TMEM178B: variants seen among roughly 807,000 people sequenced by gnomAD.
TMEM178B encodes transmembrane protein 178B.
A neutral mutation model predicts 31.0 loss-of-function variants in TMEM178B; 5 were observed. That is an observed-to-expected ratio of 0.16 (90% confidence interval 0.08 to 0.34). The LOEUF is 0.34. Among genes scored for constraint, TMEM178B ranks in the 10% least tolerant of loss-of-function variants. The pLI, the probability that TMEM178B is intolerant of heterozygous loss-of-function variation, is 1.00. For missense variants in TMEM178B, 275 were observed against 400.3 expected (o/e 0.69, Z 2.67); for synonymous variants, 164 against 164.0 (o/e 1.00, Z 0.00).
intron 2 of TMEM178B, among the ~76,000 whole-genome samples, chr7:141,301,634 C>T (rs1798727960): frequency 6.6e-6 from 1 of 152,092 alleles, no homozygotes; most frequent in Admixed American, 6.6e-5. Flanking sequence ...TTAATTATTC[C>T]AAGAGCAGTG....
intron 2 of TMEM178B, among the ~76,000 whole-genome samples, chr7:141,292,307 T>G (rs1798559546): frequency 1.3e-5 from 2 of 152,258 alleles, no homozygotes; most frequent in Admixed American, 1.3e-4. Context: ...CTTTGACATT[T>G]TCCCCTCTTT....
chr7:141,203,718 G>A (rs905008197), intron 1 of TMEM178B, among the ~76,000 whole-genome samples: 1 of 152,234 alleles, frequency 6.6e-6, no homozygotes, highest in African/African-American at 2.4e-5. Context: ...ATGAAGGCCT[G>A]GAAGCCTCTT....
rs1397007343 is a variant in TMEM178B, at chr7:141,129,180, G to T, written c.382+54488G>T. 4.6e-5 allele frequency among the ~76,000 whole-genome samples: 7 copies of T among 152,310 alleles called. No homozygotes were observed. In the East Asian group the frequency reaches 1.3e-3, roughly 29 times the overall value. Reference sequence around the variant, plus strand: ...TTCATTCGTGTGTCCTGGGGAGCTAGCATGGTCCTGGCAGCTGAGAGATGC... The same window carrying T: ...TTCATTCGTGTGTCCTGGGGAGCTATCATGGTCCTGGCAGCTGAGAGATGC... On this transcript the variant is annotated intron_variant, in intron 1 of 3. Transcript: ENST00000565468.
chr7:141,180,631 T>A (rs937254927), intron 1 of TMEM178B, among the ~76,000 whole-genome samples: 5 of 152,230 alleles, frequency 3.3e-5, no homozygotes, highest in Non-Finnish European at 5.9e-5. Flanking sequence ...ACTTGTAGAC[T>A]TATTGTATCA....
intron 2 of TMEM178B, among the ~76,000 whole-genome samples, chr7:141,406,366 G>A (rs1338778915): frequency 6.6e-6 from 1 of 152,066 alleles, no homozygotes. Flanking sequence ...TCTTGACCCT[G>A]TACTTAACCA....
At chr7:141,227,650 G>A (rs932111846) in intron 2 of TMEM178B, among the ~76,000 whole-genome samples, 4 of 152,130 alleles carry the variant, frequency 2.6e-5, no homozygotes, top group Non-Finnish European at 5.9e-5. Context: ...GGCGGAGTCC[G>A]GACTGTGAGG....
chr7:141,412,655 G>T (rs1310764883), intron 2 of TMEM178B, among the ~76,000 whole-genome samples: 1 of 152,240 alleles, frequency 6.6e-6, no homozygotes, highest in Non-Finnish European at 1.5e-5. Context: ...GGAAGGAAAA[G>T]AAAATGGCTT....
At chr7:141,215,777 C>CCTTCCTTCCTTTCTTTCTTT in intron 2 of TMEM178B, among the ~76,000 whole-genome samples, 1 of 112,130 alleles carries the variant, frequency 8.9e-6, no homozygotes, top group East Asian at 3.0e-4. Flanking sequence ...TATATACTTT[C>CCTTCCTTCCTTTCTTTCTTT]CTTTCTTTCT....
chr7:141,149,753 C>T (rs1250180611), intron 1 of TMEM178B, among the ~76,000 whole-genome samples: 2 of 152,220 alleles, frequency 1.3e-5, no homozygotes, highest in Non-Finnish European at 2.9e-5. Context: ...ACCAAGGCCA[C>T]CACCAGAAGC....
intron 2 of TMEM178B, among the ~76,000 whole-genome samples, chr7:141,392,175 CA>C (rs1170670467): frequency 6.6e-6 from 1 of 151,862 alleles, no homozygotes; most frequent in Non-Finnish European, 1.5e-5. Flanking sequence ...AGATTCAAAA[CA>C]AAACAAGTCT....
chr7:141,267,581 C>T (rs17162021), intron 2 of TMEM178B, among the ~76,000 whole-genome samples: 7,188 of 152,294 alleles, frequency 0.047, 288 homozygotes, highest in East Asian at 0.13. Context: ...CAGTTATGGA[C>T]TGACATCAAG....
At chr7:141,444,873 A>G (rs1801724668) in intron 3 of TMEM178B, among the ~76,000 whole-genome samples, 2 of 152,052 alleles carry the variant, frequency 1.3e-5, no homozygotes, top group South Asian at 4.2e-4. Context: ...TTCTTCCCAC[A>G]CTAGCACAAC....
In TMEM178B at chr7:141,458,812, A is replaced by C. The variant is rs375756650; in HGVS notation, c.635-11724A>C. 4.6e-5 allele frequency among the ~76,000 whole-genome samples: 7 copies of C among 152,230 alleles called. No homozygotes were observed. The East Asian group carries it at 1.3e-3, about 29-fold the overall frequency. On this transcript the variant is annotated intron_variant, in intron 3 of 3. Coordinates refer to ENST00000565468, the MANE Select transcript of TMEM178B (RefSeq NM_001195278.2). ...CAAAAAAAGAAAACTGCTTTCCAAA[A>C]TCCAAGGTGTCCATTGAAACACAAG...
chr7:141,161,907 T>C (rs2129181720), intron 1 of TMEM178B, among the ~76,000 whole-genome samples: 1 of 151,866 alleles, frequency 6.6e-6, no homozygotes, highest in African/African-American at 2.4e-5. Flanking sequence ...GGTCTGAGTG[T>C]GCAAGAGCAT....
chr7:141,311,198 T>C (rs1198364333), intron 2 of TMEM178B, among the ~76,000 whole-genome samples: 3 of 152,210 alleles, frequency 2.0e-5, no homozygotes, highest in Non-Finnish European at 4.4e-5. Context: ...GCATGTGGGG[T>C]TGAATACCTA....
intron 1 of TMEM178B, among the ~76,000 whole-genome samples, chr7:141,200,757 A>G (rs1433112864): frequency 6.6e-6 from 1 of 152,140 alleles, no homozygotes; most frequent in African/African-American, 2.4e-5. Context: ...CCAAAAGAGG[A>G]ACGTACGGAG....
chr7:141,098,608 A>G (rs772156607), intron 1 of TMEM178B, among the ~76,000 whole-genome samples: 22 of 152,348 alleles, frequency 1.4e-4, no homozygotes, highest in Middle Eastern at 6.8e-3. Context: ...TTCCTTATCT[A>G]TAAAATGGAG....
At chr7:141,100,719 T>G (rs145472622) in intron 1 of TMEM178B, among the ~76,000 whole-genome samples, 1 of 152,198 alleles carries the variant, frequency 6.6e-6, no homozygotes, top group Admixed American at 6.5e-5. Context: ...CACAGGTACA[T>G]GTATGAATGT....
At chr7:141,395,306 T>TG (rs1800617594) in intron 2 of TMEM178B, among the ~76,000 whole-genome samples, 1 of 152,084 alleles carries the variant, frequency 6.6e-6, no homozygotes, top group Non-Finnish European at 1.5e-5. Flanking sequence ...CCACACTTGG[T>TG]GATGAGTGCC....
Sources: allele counts gnomAD v4.1 joint callset (sites outside exome capture counted in the v4.1 genomes callset), GRCh38; gene constraint gnomAD v4.1.1; transcripts MANE v1.5; gene names NCBI Gene and HGNC (gene_info 2026-07-23, HGNC 2026-07-21).